The following USP32 variants were observed in gnomAD, a reference collection of about 807,000 sequenced individuals.
The protein encoded by USP32 is ubiquitin carboxyl-terminal hydrolase 32.
In USP32, 59 loss-of-function variants were observed where a neutral mutation model predicts 204.8. That is an observed-to-expected ratio of 0.29 (90% CI 0.23 to 0.36). The LOEUF is 0.36. Among genes scored for constraint, USP32 ranks in the 10% least tolerant of loss-of-function variants. The probability of loss-of-function intolerance (pLI) is 1.00; values close to 1 mark genes in which losing one functional copy is unlikely to be tolerated. For missense variants in USP32, 1,160 were observed against 1,946.4 expected (o/e 0.60, Z 7.60); for synonymous variants, 517 against 678.4 (o/e 0.76, Z 3.70).
At chr17:60,333,394 T>C (rs192976577) in intron 2 of USP32, among the ~76,000 whole-genome samples, 5 of 151,418 alleles carry the variant, frequency 3.3e-5, no homozygotes, top group Admixed American at 3.3e-4. Flanking sequence ...AGGTCAGGAG[T>C]TTGAGACCAG....
rs577165536 is a variant in USP32, at chr17:60,315,192, G to A, written c.187-13488C>T. ...GTGGGCGGAATGCCTGAGCTCAGGAGTTCAAAACCAGCCTGGGCAACACAG... is the reference window on the plus strand; with the variant it reads ...GTGGGCGGAATGCCTGAGCTCAGGAATTCAAAACCAGCCTGGGCAACACAG... On this transcript the variant is annotated intron_variant, in intron 2 of 33. Coordinates refer to ENST00000300896, the MANE Select transcript of USP32 (RefSeq NM_032582.4). Among the ~76,000 whole-genome samples the A allele has an allele frequency of 2.2e-3, 331 of 152,310 alleles. 4 individuals are homozygous for A. Among genetic ancestry groups the A allele is most frequent in the African/African-American group, 7.5e-3 (312 of 41,552 alleles).
chr17:60,310,590 T>A (rs565605774), intron 2 of USP32, among the ~76,000 whole-genome samples: 1 of 152,198 alleles, frequency 6.6e-6, no homozygotes, highest in East Asian at 1.9e-4. Context: ...TCCCAGCTAC[T>A]TGGGAGGCTG....
rs34842511 is a variant in USP32, at chr17:60,244,029, G to GTTTTTTT, written c.1137-7796_1137-7790dup. On this transcript the variant is annotated intron_variant, in intron 11 of 33. Coordinates refer to ENST00000300896, the MANE Select transcript of USP32 (RefSeq NM_032582.4). The stretch of plus-strand genomic sequence containing the variant: ...TTTGAATCTCAAGTAGCTGGATTGT[G>GTTTTTTT]TTTTTTTTTTTTTTTTTTTTTTTTG... Among the ~76,000 whole-genome samples, 130 of 71,678 alleles carry GTTTTTTT rather than the reference G, an allele frequency of 1.8e-3. 3 individuals carry two copies. The highest frequency in any genetic ancestry group is 3.6e-3 in the East Asian group (8 of 2,246). The allele number at this position is 71,678 out of a possible 152,430, so 47.0% of individuals were successfully genotyped here.
rs767553931 is a variant in USP32, at chr17:60,179,189, C to T, written c.*66G>A. The T allele has an allele frequency of 8.5e-6, 13 of 1,532,440 alleles. No homozygotes were observed. Among genetic ancestry groups the T allele is most frequent in the Non-Finnish European group, 1.1e-5 (13 of 1,133,182 alleles). 94.9% of individuals were successfully genotyped at this position (1,532,440 alleles called of 1,614,324 possible). A position where few individuals can be genotyped will look rare whatever the true frequency, so the allele number is the denominator to read the frequency against. ...AGCTTGCCTTTCAGTGACGCTTTTG[C>T]CAAATGTCAGCTACAAGGAGTCATC... is the stretch of plus-strand genomic sequence containing the variant. On this transcript the variant is annotated 3_prime_UTR_variant, in exon 34 of 34. Coordinates refer to ENST00000300896, the MANE Select transcript of USP32 (RefSeq NM_032582.4).
intron 15 of USP32, among the ~76,000 whole-genome samples, chr17:60,221,154 G>C (rs2085237298): frequency 6.6e-6 from 1 of 152,026 alleles, no homozygotes; most frequent in Admixed American, 6.6e-5. Context: ...AGCACTTTGG[G>C]AGGCCAAGGC....
intron 3 of USP32, among the ~76,000 whole-genome samples, chr17:60,298,766 T>C (rs957669822): frequency 6.6e-5 from 10 of 152,232 alleles, no homozygotes; most frequent in African/African-American, 2.4e-4. Context: ...ACTGGGTTTA[T>C]GGATACATTC....
intron 22 of USP32, among the ~76,000 whole-genome samples, chr17:60,209,098 C>T (rs919177640): frequency 1.1e-4 from 17 of 152,250 alleles, no homozygotes; most frequent in Admixed American, 2.0e-4. Context: ...TTAGCAATTA[C>T]GGGGACTCTT....
At chr17:60,294,875 G>T in intron 3 of USP32, 74 bp from the exon 4 acceptor site, 3 of 911,502 alleles carry the variant, frequency 3.3e-6, no homozygotes, top group Non-Finnish European at 5.2e-6. Flanking sequence ...AGGGAGAAAA[G>T]ACAAAGCTAC....
chr17:60,214,094 G>A (rs1403542537), intron 17 of USP32, among the ~76,000 whole-genome samples: 1 of 151,678 alleles, frequency 6.6e-6, no homozygotes, highest in Admixed American at 6.6e-5. Flanking sequence ...GGCTCCCACC[G>A]CCATGCCCAG....
chr17:60,354,428 T>C (rs2089021747), intron 1 of USP32, among the ~76,000 whole-genome samples: 2 of 152,130 alleles, frequency 1.3e-5, no homozygotes, highest in African/African-American at 4.8e-5. Flanking sequence ...ACCACAGAGA[T>C]AAATAAACAT....
intron 1 of USP32, among the ~76,000 whole-genome samples, chr17:60,406,310 CT>C (rs1486036619): frequency 6.6e-6 from 1 of 152,024 alleles, no homozygotes; most frequent in Non-Finnish European, 1.5e-5. Flanking sequence ...TCCCAAATAG[CT>C]GGGACTACAG....
chr17:60,184,314 C>CAAA (rs35229069), intron 30 of USP32, among the ~76,000 whole-genome samples: 3 of 89,580 alleles, frequency 3.3e-5, no homozygotes, highest in African/African-American at 1.0e-4. Context: ...GACTCCGTCT[C>CAAA]AAAAAAAAAA....
chr17:60,314,412 G>T (rs1019281375), intron 2 of USP32, among the ~76,000 whole-genome samples: 4 of 152,022 alleles, frequency 2.6e-5, no homozygotes, highest in Non-Finnish European at 5.9e-5. Context: ...CAAAGTGCTG[G>T]GATTACAGGG....
At chr17:60,287,460 T>C (rs2087145083) in intron 5 of USP32, among the ~76,000 whole-genome samples, 1 of 152,122 alleles carries the variant, frequency 6.6e-6, no homozygotes, top group Admixed American at 6.5e-5. Context: ...CCATGAGCCT[T>C]GGGGAGGTTG....
intron 9 of USP32, among the ~76,000 whole-genome samples, chr17:60,255,500 A>G (rs1182133350): frequency 2.0e-5 from 3 of 152,056 alleles, no homozygotes; most frequent in African/African-American, 7.2e-5. Context: ...GGGTTTCACT[A>G]TGTTGGCCAG....
intron 8 of USP32, 145 bp downstream of exon 8, chr17:60,265,831 G>T: frequency 3.3e-6 from 2 of 603,604 alleles, no homozygotes; most frequent in South Asian, 2.7e-5. Context: ...TTCCAATTTT[G>T]CATCTTCAGC....
chr17:60,202,458 C>CAA (rs2084702983), intron 26 of USP32, among the ~76,000 whole-genome samples: 1 of 151,610 alleles, frequency 6.6e-6, no homozygotes, highest in Non-Finnish European at 1.5e-5. Context: ...CACACACACA[C>CAA]ACACACACAC....
exon 1 of USP32, chr17:60,422,403 C>A: frequency 4.2e-6 from 6 of 1,422,312 alleles, no homozygotes; most frequent in Non-Finnish European, 5.6e-6. Context: ...GCTGCAGCCA[C>A]CCCTAAGAAT....
At position 60,177,865 on chromosome 17, in the gene USP32, TCTGAC is replaced by T. The variant is rs1165308316; in HGVS notation, c.*1385_*1389del. Reference sequence around the variant, plus strand: ...CTATGAGGAAGAAAGGGTAGTGGAATCTGACAATTAATGAGAATCAACTTGCAGGG... The same window carrying T: ...CTATGAGGAAGAAAGGGTAGTGGAATAATTAATGAGAATCAACTTGCAGGG... On this transcript the variant is annotated 3_prime_UTR_variant, in exon 34 of 34. Transcript: ENST00000300896. 6.6e-6 allele frequency among the ~76,000 whole-genome samples: 1 copy of T among 152,208 alleles called. No homozygotes were observed. The highest frequency in any genetic ancestry group is 2.4e-5 in the African/African-American group (1 of 41,466).
Sources: gnomAD v4.1 joint callset for allele counts (sites outside exome capture counted in the v4.1 genomes callset) on GRCh38, gnomAD v4.1.1 for gene constraint, MANE v1.5 for transcripts, NCBI Gene and HGNC (gene_info 2026-07-23, HGNC 2026-07-21) for gene names.